Variants in TIAM2 observed in about 807,000 individuals in gnomAD.
TIAM2 encodes the protein TIAM Rac1 associated GEF 2.
A neutral mutation model predicts 152.9 loss-of-function variants in TIAM2; 80 were observed. The observed-to-expected ratio is 0.52, with a 90% confidence interval of 0.44 to 0.63. The LOEUF (loss-of-function observed/expected upper bound fraction) is 0.63, where lower values mean the gene tolerates loss of function less well. TIAM2 is among the 30% of genes least tolerant of loss of function. The pLI, the probability that TIAM2 is intolerant of heterozygous loss-of-function variation, is 0.00. For missense variants in TIAM2, 1,965 were observed against 2,120.1 expected (o/e 0.93, Z 1.44); for synonymous variants, 804 against 838.0 (o/e 0.96, Z 0.70).
At chr6:155,231,953 C>T (rs946920218) in intron 15 of TIAM2, among the ~76,000 whole-genome samples, 2 of 152,108 alleles carry the variant, frequency 1.3e-5, no homozygotes, top group Non-Finnish European at 2.9e-5. Flanking sequence ...TGGTGGCACG[C>T]ACCTGTAATC....
chr6:155,083,787 C>T (rs1583181593), intron 1 of TIAM2, among the ~76,000 whole-genome samples: 2 of 152,178 alleles, frequency 1.3e-5, no homozygotes, highest in Non-Finnish European at 2.9e-5. Flanking sequence ...TTTCTTTTGT[C>T]TTGGCAAGGG....
At chr6:155,065,155 T>C (rs1471223502) in intron 1 of TIAM2, among the ~76,000 whole-genome samples, 2 of 152,052 alleles carry the variant, frequency 1.3e-5, no homozygotes, top group African/African-American at 4.8e-5. Context: ...GGTTTCACCG[T>C]GTTGGCCAGG....
At chr6:155,164,357 G>A (rs538628568) in intron 7 of TIAM2, 58 bp from the exon 8 acceptor site, 84 of 1,503,058 alleles carry the variant, frequency 5.6e-5, no homozygotes, top group East Asian at 3.2e-4. Flanking sequence ...TCACATTTTC[G>A]TTTTAACCTG....
chr6:155,034,605 G>C (rs979042023), intron 1 of TIAM2, among the ~76,000 whole-genome samples: 1 of 152,086 alleles, frequency 6.6e-6, no homozygotes, highest in African/African-American at 2.4e-5. Context: ...GATGTTTGCT[G>C]CCTTCCTGCA....
At chr6:155,000,567 C>G (rs954618333) in intron 1 of TIAM2, among the ~76,000 whole-genome samples, 1 of 144,976 alleles carries the variant, frequency 6.9e-6, no homozygotes, top group Admixed American at 6.9e-5. Flanking sequence ...AAAACTGTTA[C>G]GCTCTCAACA....
At position 155,164,396 on chromosome 6, in the gene TIAM2, CCT is replaced by C; in HGVS notation, c.2029-16_2029-15del. 6.4e-7 allele frequency: 1 copy of C among 1,555,582 alleles called. No individual in the cohort carries two copies. Among genetic ancestry groups the C allele is most frequent in the Non-Finnish European group, 8.7e-7 (1 of 1,143,264 alleles). On this transcript the variant is annotated splice_polypyrimidine_tract_variant and intron_variant, in intron 7 of 26. Transcript: ENST00000682666. Reference sequence around the variant, plus strand: ...AAACTTTTAATTTTTATTTAAATCACCTCTGTTTTTGCTTTAAGATCCAGCAA... The same window carrying C: ...AAACTTTTAATTTTTATTTAAATCACCTGTTTTTGCTTTAAGATCCAGCAA...
rs1562295152 is a variant in TIAM2, at chr6:155,029,470, A to ATTATATAAT, written c.-209+33978_-209+33979insTTATATAAT. Reference sequence around the variant, plus strand: ...ATAGTATATATTATATATAATATATACTATAGTATATATACTATAGTATAT... The same window carrying ATTATATAAT: ...ATAGTATATATTATATATAATATATATTATATAATCTATAGTATATATACTATAGTATAT... On this transcript the variant is annotated intron_variant, in intron 1 of 26. Coordinates refer to ENST00000682666, the MANE Select transcript of TIAM2 (RefSeq NM_012454.4). Among the ~76,000 whole-genome samples the ATTATATAAT allele has an allele frequency of 6.2e-5, 3 of 48,238 alleles. 1 individual carries two copies. The highest frequency in any genetic ancestry group is 1.0e-4 in the Non-Finnish European group (3 of 28,892). The allele number at this position is 48,238 out of a possible 152,430, so 31.6% of individuals were successfully genotyped here.
intron 22 of TIAM2, among the ~76,000 whole-genome samples, 157 bp from the exon 23 acceptor site, chr6:155,251,788 G>T (rs571113745): frequency 1.3e-5 from 2 of 152,176 alleles, no homozygotes; most frequent in Non-Finnish European, 2.9e-5. Context: ...AAATATGAGC[G>T]AAAGGGAAGT....
At position 155,137,245 on chromosome 6, in the gene TIAM2, G is replaced by C; in HGVS notation, c.1263G>C (p.Gln421His). The C allele has an allele frequency of 1.2e-6, 2 of 1,614,206 alleles. No individual in the cohort carries two copies. The highest frequency in any genetic ancestry group is 1.1e-5 in the South Asian group (1 of 91,082). Residue 421 changes from glutamine (Q) to histidine (H), a missense_variant, in exon 5 of 27, where the codon CAG (glutamine) becomes CAC (histidine). Gln to His is a conservative substitution (Grantham distance 24, BLOSUM62 0). Coordinates refer to ENST00000682666, the MANE Select transcript of TIAM2 (RefSeq NM_012454.4). ...CTGATGGACTGAATACAGATGTGCA[G>C]GGATCCTCCCAGGCATCTGCTTTTC... ...SRSDGLNTDV[Q>H]GSSQASAFLW...
chr6:155,200,106 AG>A (rs1006124853), intron 14 of TIAM2, among the ~76,000 whole-genome samples: 42 of 152,312 alleles, frequency 2.8e-4, no homozygotes, highest in African/African-American at 1.0e-3. Flanking sequence ...AGTAAAACCC[AG>A]TTATAATTTG....
intron 1 of TIAM2, among the ~76,000 whole-genome samples, chr6:155,042,689 G>A (rs139971782): frequency 6.6e-6 from 1 of 152,118 alleles, no homozygotes; most frequent in Non-Finnish European, 1.5e-5. Context: ...GGTGTACAAC[G>A]TACTGTTTAT....
intron 2 of TIAM2, among the ~76,000 whole-genome samples, chr6:155,102,132 G>C (rs1778564678): frequency 6.6e-6 from 1 of 151,978 alleles, no homozygotes; most frequent in Non-Finnish European, 1.5e-5. Flanking sequence ...AAATAGCTAG[G>C]GCTACAGGTG....
chr6:155,035,866 G>A (rs967540888), intron 1 of TIAM2, among the ~76,000 whole-genome samples: 8 of 152,164 alleles, frequency 5.3e-5, no homozygotes, highest in South Asian at 2.1e-4. Flanking sequence ...GGAAGGCTGC[G>A]ATGATACAAA....
intron 1 of TIAM2, among the ~76,000 whole-genome samples, chr6:155,051,411 T>C (rs1278458211): frequency 6.6e-6 from 1 of 152,186 alleles, no homozygotes; most frequent in Non-Finnish European, 1.5e-5. Flanking sequence ...CTTTGAATCT[T>C]TTAAACATTT....
chr6:155,121,740 G>C (rs984269255), intron 2 of TIAM2, among the ~76,000 whole-genome samples: 1 of 152,170 alleles, frequency 6.6e-6, no homozygotes, highest in Non-Finnish European at 1.5e-5. Context: ...CTGGAGCGAC[G>C]TGAAGCCTGT....
At chr6:155,254,311 G>A in intron 25 of TIAM2, 108 bp from the exon 26 acceptor site, 2 of 1,450,200 alleles carry the variant, frequency 1.4e-6, no homozygotes, top group Non-Finnish European at 1.9e-6. Context: ...GTGGCTGGCT[G>A]GCAGCCTGGT....
chr6:155,098,188 C>CT (rs34934323), intron 2 of TIAM2, among the ~76,000 whole-genome samples: 5,306 of 151,892 alleles, frequency 0.035, 214 homozygotes, highest in Admixed American at 0.13. Flanking sequence ...TTTAGAACAC[C>CT]TTTTTTTTCC....
intron 1 of TIAM2, among the ~76,000 whole-genome samples, chr6:155,048,664 G>T (rs768749288): frequency 1.3e-5 from 2 of 152,190 alleles, no homozygotes; most frequent in African/African-American, 2.4e-5. Context: ...TCGGGAGGCC[G>T]CATTAGGACT....
At chr6:155,009,392 A>T (rs1357934497) in intron 1 of TIAM2, among the ~76,000 whole-genome samples, 1 of 152,070 alleles carries the variant, frequency 6.6e-6, no homozygotes, top group African/African-American at 2.4e-5. Context: ...GTGAGCCACC[A>T]TGCCTGGCCC....
Sources: allele counts gnomAD v4.1 joint callset (sites outside exome capture counted in the v4.1 genomes callset), GRCh38; gene constraint gnomAD v4.1.1; transcripts MANE v1.5; gene names NCBI Gene and HGNC (gene_info 2026-07-23, HGNC 2026-07-21).